Variants in SHB observed in about 807,000 individuals in gnomAD.
SHB encodes SH2 domain-containing adapter protein B.
In SHB, 20 loss-of-function variants were observed where a neutral mutation model predicts 52.3. The ratio of observed to expected loss-of-function variants is 0.38; its 90% CI spans 0.27 to 0.56. The LOEUF (loss-of-function observed/expected upper bound fraction) is 0.56. SHB is among the 20% of genes least tolerant of loss of function. The pLI is 0.71. For missense variants in SHB, 825 were observed against 723.3 expected (o/e 1.14, Z -1.61); for synonymous variants, 397 against 316.5 (o/e 1.25, Z -2.70).
chr9:38,067,945 G>A lies in SHB; in HGVS notation c.701C>T (p.Ala234Val). 1 of 1,541,378 alleles carries A rather than the reference G, an allele frequency of 6.5e-7. No homozygotes were observed. Among genetic ancestry groups the A allele is most frequent in the Admixed American group, 1.9e-5 (1 of 52,710 alleles). The change falls in exon 1 of 6, where the codon GCC (alanine) becomes GTC (valine). Residue 234 changes from alanine to valine, a missense_variant. Physicochemically the swap from Ala to Val is moderately conservative, Grantham distance 64 (BLOSUM62 0). Coordinates refer to ENST00000377707, the MANE Select transcript of SHB (RefSeq NM_003028.3). ...CAASAAEESG[A>V]GKKDKVTIAD... ...GCACCTTACCTTGTCCTTCTTGCCG[G>A]CCCCGCTCTCCTCCGCGGCTGAGGC...
At chr9:38,045,650 A>C (rs1386574400) in intron 1 of SHB, among the ~76,000 whole-genome samples, 1 of 152,074 alleles carries the variant, frequency 6.6e-6, no homozygotes, top group Non-Finnish European at 1.5e-5. Flanking sequence ...ATTTGACAAC[A>C]TATCAATTTC....
At chr9:37,997,819 GCTGTCCAGGGCGACAGCAGCTTCTCA>G (rs1820968396) in intron 2 of SHB, among the ~76,000 whole-genome samples, 1 of 152,206 alleles carries the variant, frequency 6.6e-6, no homozygotes, top group Non-Finnish European at 1.5e-5. Context: ...TCAAACAACA[GCTGTCCAGGGCGACAGCAGCTTCTCA>G]CTGTGTGACA....
intron 2 of SHB, among the ~76,000 whole-genome samples, chr9:37,999,793 C>A (rs973868692): frequency 6.6e-6 from 1 of 152,212 alleles, no homozygotes; most frequent in African/African-American, 2.4e-5. Flanking sequence ...TAGGATCTGG[C>A]TGAAGCCTTG....
chr9:37,986,140 G>A (rs982158590), intron 2 of SHB, among the ~76,000 whole-genome samples: 1 of 152,162 alleles, frequency 6.6e-6, no homozygotes, highest in Non-Finnish European at 1.5e-5. Context: ...CTCAAGTCCT[G>A]ATGCAAGGAG....
intron 1 of SHB, among the ~76,000 whole-genome samples, chr9:38,020,127 G>A (rs989208284): frequency 1.3e-5 from 2 of 152,230 alleles, no homozygotes; most frequent in African/African-American, 4.8e-5. Context: ...GGGTGCTTAG[G>A]GGAAGTCAAA....
intron 2 of SHB, 119 bp from the exon 3 acceptor site, chr9:37,974,956 G>C: frequency 2.4e-6 from 2 of 841,420 alleles, no homozygotes; most frequent in South Asian, 1.5e-5. Context: ...ACGACAGAGA[G>C]ACAGACCCCT....
chr9:37,962,388 T>C (rs1183612968), intron 3 of SHB, among the ~76,000 whole-genome samples: 1 of 152,250 alleles, frequency 6.6e-6, no homozygotes, highest in Non-Finnish European at 1.5e-5. Context: ...GTTGAAGGAA[T>C]GAACCTGCAC....
chr9:37,916,473 A>G lies in SHB; in HGVS notation c.*3348T>C, dbSNP rs907798450. On this transcript the variant is annotated 3_prime_UTR_variant, in exon 6 of 6. Coordinates refer to ENST00000377707, the MANE Select transcript of SHB (RefSeq NM_003028.3). ...GAACTTCGTGTTCAGCATCTTACAA[A>G]GGGGGCCGCTGGTTCTGGGAATGGG... 2.6e-5 allele frequency among the ~76,000 whole-genome samples: 4 copies of G among 152,210 alleles called. No individual in the cohort carries two copies. Among genetic ancestry groups the G allele is most frequent in the Non-Finnish European group, 5.9e-5 (4 of 68,040 alleles).
intron 5 of SHB, among the ~76,000 whole-genome samples, chr9:37,944,285 T>C (rs1487957788): frequency 2.0e-5 from 3 of 151,966 alleles, no homozygotes; most frequent in Non-Finnish European, 4.4e-5. Context: ...TGCCGACAGG[T>C]GGCAGCTTGG....
chr9:38,010,005 A>AG (rs1821118812), intron 2 of SHB, among the ~76,000 whole-genome samples: 1 of 152,246 alleles, frequency 6.6e-6, no homozygotes, highest in East Asian at 1.9e-4. Flanking sequence ...TGCCAGAGGA[A>AG]GGGTTAGTAA....
intron 1 of SHB, among the ~76,000 whole-genome samples, chr9:38,034,198 G>C (rs189129889): frequency 7.1e-4 from 108 of 152,290 alleles, no homozygotes; most frequent in African/African-American, 2.5e-3. Flanking sequence ...AAAACCAACT[G>C]CAGGTAGACA....
In SHB at chr9:37,917,706, G is replaced by GA. The variant is rs1473069371; in HGVS notation, c.*2114dup. On this transcript the variant is annotated 3_prime_UTR_variant, in exon 6 of 6. Coordinates refer to ENST00000377707, the MANE Select transcript of SHB (RefSeq NM_003028.3). ...TTCCCACTCCCCCAAAGGAAAGCAC[G>GA]AATCGTTCCAGGGTGTCCCTGCCTT... Among the ~76,000 whole-genome samples the GA allele has an allele frequency of 6.6e-6, 1 of 152,244 alleles. No individual in the cohort carries two copies. Among genetic ancestry groups the GA allele is most frequent in the Non-Finnish European group, 1.5e-5 (1 of 68,034 alleles).
intron 1 of SHB, among the ~76,000 whole-genome samples, chr9:38,038,324 C>T (rs947576885): frequency 5.3e-5 from 8 of 152,180 alleles, no homozygotes; most frequent in African/African-American, 9.7e-5. Flanking sequence ...GCCCCAGGAA[C>T]CAACACTCTC....
chr9:37,934,342 G>T (rs1041542414), intron 5 of SHB, among the ~76,000 whole-genome samples: 16 of 152,228 alleles, frequency 1.1e-4, no homozygotes, highest in African/African-American at 3.9e-4. Flanking sequence ...TTGTTGTCCA[G>T]GCTGGAGTGC....
intron 3 of SHB, among the ~76,000 whole-genome samples, chr9:37,962,945 C>T (rs750859133): frequency 7.9e-5 from 12 of 152,184 alleles, no homozygotes; most frequent in Non-Finnish European, 1.3e-4. Flanking sequence ...TTAAAAGTGA[C>T]GCCCGGTATG....
In SHB at chr9:37,919,994, C is replaced by T; in HGVS notation, c.1357G>A (p.Gly453Ser). The T allele has an allele frequency of 6.2e-7, 1 of 1,613,876 alleles. No homozygotes were observed. The highest frequency in any genetic ancestry group is 8.5e-7 in the Non-Finnish European group (1 of 1,179,808). ...DYSLSLRSNQ[G>S]FMHMKLAKTK... ...TTGGCCAGTTTCATGTGCATAAAAC[C>T]CTGGTTGCTCCTGTGAACAAAACAC... The change falls in exon 6 of 6, where the codon GGT becomes AGT. Residue 453 changes from glycine (G) to serine (S), a missense_variant. Transcript: ENST00000377707.
At chr9:37,984,077 G>A (rs865971847) in intron 2 of SHB, among the ~76,000 whole-genome samples, 24 of 152,226 alleles carry the variant, frequency 1.6e-4, no homozygotes, top group African/African-American at 4.6e-4. Context: ...AGGATGTTAC[G>A]AGGATTAAAT....
At chr9:38,045,176 T>C (rs1370756127) in intron 1 of SHB, among the ~76,000 whole-genome samples, 1 of 152,112 alleles carries the variant, frequency 6.6e-6, no homozygotes. Flanking sequence ...ATAGAAGCCA[T>C]GGGTAGTGTC....
intron 1 of SHB, among the ~76,000 whole-genome samples, chr9:38,045,325 G>C (rs932174570): frequency 6.6e-6 from 1 of 152,180 alleles, no homozygotes; most frequent in Non-Finnish European, 1.5e-5. Context: ...CAACGACCAG[G>C]TGCGGTGGCT....
Sources: gnomAD v4.1 joint callset for allele counts (sites outside exome capture counted in the v4.1 genomes callset) on GRCh38, gnomAD v4.1.1 for gene constraint, MANE v1.5 for transcripts, NCBI Gene and HGNC (gene_info 2026-07-23, HGNC 2026-07-21) for gene names.